Variants in BIK observed in about 807,000 individuals in gnomAD.
BIK encodes the protein BCL2 interacting killer, also known as bcl-2-interacting killer.
In BIK, 14 loss-of-function variants were observed where a neutral mutation model predicts 12.1. That is an observed-to-expected ratio of 1.16 (90% CI 0.77 to 1.81). The LOEUF is 1.81. Ranked by LOEUF, BIK falls within the 40% of genes most tolerant of loss-of-function variation. The probability of loss-of-function intolerance (pLI) is 0.00; values close to 1 mark genes in which losing one functional copy is unlikely to be tolerated. For missense variants in BIK, 215 were observed against 207.9 expected (o/e 1.03, Z -0.21); for synonymous variants, 86 against 92.3 (o/e 0.93, Z 0.39).
rs1353332530 is a variant in BIK, at chr22:43,127,677, C to G, written c.162-20C>G. On this transcript the variant is annotated intron_variant, in intron 2 of 4. Transcript: ENST00000216115. ...CTCCACGGCACAGCCACACCCGACT[C>G]CTGTGTGTGCTCCCTGCAGTGACGC... 9.7e-6 allele frequency: 15 copies of G among 1,543,542 alleles called. No homozygotes were observed. The highest frequency in any genetic ancestry group is 1.3e-5 in the Non-Finnish European group (15 of 1,142,498).
intron 2 of BIK, among the ~76,000 whole-genome samples, chr22:43,126,268 C>G (rs1158171365): frequency 6.6e-6 from 1 of 151,828 alleles, no homozygotes; most frequent in East Asian, 1.9e-4. Flanking sequence ...TCACCACAAG[C>G]TCCACCTCCC....
chr22:43,128,730 T>G, intron 4 of BIK, 105 bp downstream of exon 4: 1 of 1,434,466 alleles, frequency 7.0e-7, no homozygotes, highest in Non-Finnish European at 9.4e-7. Context: ...TATCATCATC[T>G]GTGTCACCTG....
chr22:43,122,085 G>A (rs1368999656), intron 1 of BIK, among the ~76,000 whole-genome samples: 1 of 152,232 alleles, frequency 6.6e-6, no homozygotes, highest in Non-Finnish European at 1.5e-5. Flanking sequence ...TTGTGCCTAG[G>A]CCTGTGGGAG....
In BIK at chr22:43,129,533, T is replaced by A; in HGVS notation, c.*228T>A. ...ATGAATTCCTATGGCTCTGCAATTGTCACCGGTTAACTGTGGCCTGTGCCC... is the reference window on the plus strand; with the variant it reads ...ATGAATTCCTATGGCTCTGCAATTGACACCGGTTAACTGTGGCCTGTGCCC... On this transcript the variant is annotated 3_prime_UTR_variant, in exon 5 of 5. Coordinates refer to ENST00000216115, the MANE Select transcript of BIK (RefSeq NM_001197.5). 1 of 719,062 alleles carries A rather than the reference T, an allele frequency of 1.4e-6. No homozygotes were observed. The highest frequency in any genetic ancestry group is 2.2e-6 in the Non-Finnish European group (1 of 460,160). The allele number at this position is 719,062 out of a possible 1,614,324, so 44.5% of individuals were successfully genotyped here.
intron 1 of BIK, among the ~76,000 whole-genome samples, chr22:43,120,511 G>A (rs1274814298): frequency 6.6e-6 from 1 of 152,236 alleles, no homozygotes; most frequent in Non-Finnish European, 1.5e-5. Context: ...GCCGAACAGA[G>A]CAGTGACAGG....
chr22:43,124,123 A>G lies in BIK; in HGVS notation c.101A>G (p.Asp34Gly), dbSNP rs372100241. Residue 34 changes from aspartate (D) to glycine (G), a missense_variant, in exon 2 of 5, where the codon GAC (aspartate) becomes GGC (glycine). By Grantham distance (94) the Asp-to-Gly change is moderately conservative (BLOSUM62 -1). Transcript: ENST00000216115. ...ACCATGGAGGTTCTTGGCATGACTG[A>G]CTCTGAAGAGGACCTGGACCCTATG... is the stretch of plus-strand genomic sequence containing the variant. ...PPTMEVLGMT[D>G]SEEDLDPMED... 15 of 1,613,890 alleles carry G rather than the reference A, an allele frequency of 9.3e-6. No homozygotes were observed. The African/African-American group carries it at 1.7e-4, about 19-fold the overall frequency.
chr22:43,118,297 G>T (rs1392862254), intron 1 of BIK, among the ~76,000 whole-genome samples: 1 of 152,184 alleles, frequency 6.6e-6, no homozygotes, highest in East Asian at 1.9e-4. Context: ...GCTGTGAGTG[G>T]CCTCTGGTCT....
chr22:43,128,718 C>T (rs1056456925), intron 4 of BIK, 93 bp downstream of exon 4: 170 of 1,469,314 alleles, frequency 1.2e-4, no homozygotes, highest in Non-Finnish European at 1.4e-4. Context: ...CCCACCACTC[C>T]GTATCATCAT....
rs570318248 is a variant in BIK, at chr22:43,121,816, A to AT, written c.-7-2194dup. ...TAAAACATCTCATCTGTGAAACCTT[A>AT]TTTTTTCTTTTTGAGTCAGAATCTA... On this transcript the variant is annotated intron_variant, in intron 1 of 4. Transcript: ENST00000216115. 4.0e-3 allele frequency among the ~76,000 whole-genome samples: 602 copies of AT among 152,092 alleles called. 4 individuals are homozygous for AT. The highest frequency in any genetic ancestry group is 0.014 in the African/African-American group (571 of 41,490).
At chr22:43,122,675 ATAGT>A (rs1930242228) in intron 1 of BIK, among the ~76,000 whole-genome samples, 2 of 152,170 alleles carry the variant, frequency 1.3e-5, no homozygotes. Context: ...CGCAATGATC[ATAGT>A]TAGGAAGGCC....
chr22:43,123,877 G>A (rs906076085), intron 1 of BIK, 139 bp from the exon 2 acceptor site: 7 of 842,116 alleles, frequency 8.3e-6, no homozygotes, highest in Non-Finnish European at 1.3e-5. Flanking sequence ...GTGGGAGCTG[G>A]GGTTGGGGGA....
At chr22:43,122,366 C>G (rs773084019) in intron 1 of BIK, among the ~76,000 whole-genome samples, 7 of 152,206 alleles carry the variant, frequency 4.6e-5, no homozygotes. Flanking sequence ...CCCAGCGTGC[C>G]AGGCCCTGTT....
chr22:43,112,074 C>A (rs896096700), intron 1 of BIK, among the ~76,000 whole-genome samples: 2 of 152,164 alleles, frequency 1.3e-5, no homozygotes, highest in Non-Finnish European at 2.9e-5. Flanking sequence ...AGGTTTCTGG[C>A]CAGGTGAAAG....
intron 1 of BIK, among the ~76,000 whole-genome samples, chr22:43,117,423 T>C (rs1197219509): frequency 6.6e-6 from 1 of 151,104 alleles, no homozygotes; most frequent in Non-Finnish European, 1.5e-5. Context: ...GACCGGAGTG[T>C]GGTGGCATGA....
At chr22:43,113,976 T>TG (rs1204824878) in intron 1 of BIK, among the ~76,000 whole-genome samples, 2 of 152,134 alleles carry the variant, frequency 1.3e-5, no homozygotes, top group Admixed American at 6.6e-5. Context: ...GTCCTGCCAC[T>TG]GGTTGGTTGG....
chr22:43,124,207 C>A (rs1033112965), intron 2 of BIK, 24 bp downstream of exon 2: 3 of 1,611,526 alleles, frequency 1.9e-6, no homozygotes, highest in African/African-American at 2.7e-5. Context: ...GCCTGCCCTA[C>A]CCCCTGCCTG....
At chr22:43,116,437 G>A (rs940771597) in intron 1 of BIK, among the ~76,000 whole-genome samples, 8 of 151,642 alleles carry the variant, frequency 5.3e-5, no homozygotes, top group East Asian at 3.9e-4. Flanking sequence ...AAGCTGTGAC[G>A]TTGGGTAGGT....
At chr22:43,126,217 G>A (rs978708702) in intron 2 of BIK, among the ~76,000 whole-genome samples, 1 of 140,188 alleles carries the variant, frequency 7.1e-6, no homozygotes, top group Non-Finnish European at 1.5e-5. Context: ...ACGGAGTCTC[G>A]CTGTGTCGCC....
At chr22:43,120,249 G>A (rs555577842) in intron 1 of BIK, among the ~76,000 whole-genome samples, 18 of 152,328 alleles carry the variant, frequency 1.2e-4, no homozygotes, top group Admixed American at 3.3e-4. Flanking sequence ...GTGCAATGGC[G>A]CGGTCTCGGC....
Sources: allele counts gnomAD v4.1 joint callset (sites outside exome capture counted in the v4.1 genomes callset), GRCh38; gene constraint gnomAD v4.1.1; transcripts MANE v1.5; gene names NCBI Gene and HGNC (gene_info 2026-07-23, HGNC 2026-07-21).